Variants in PCDH15 observed in about 807,000 individuals in gnomAD.
PCDH15 encodes the protein protocadherin related 15.
A neutral mutation model predicts 178.5 loss-of-function variants in PCDH15; 129 were observed. The ratio of observed to expected loss-of-function variants is 0.72; its 90% CI spans 0.63 to 0.84. The LOEUF (loss-of-function observed/expected upper bound fraction) is 0.84, where lower values mean the gene tolerates loss of function less well. Among genes scored for constraint, PCDH15 ranks in the 40% least tolerant of loss-of-function variants. PCDH15 has a pLI of 0.00. For synonymous variants in PCDH15, 800 were observed against 732.0 expected, an observed-to-expected ratio of 1.09 and a Z score of -1.50; for missense variants, 2,230 against 2,099.9, an observed-to-expected ratio of 1.06 and a Z score of -1.21.
intron 1 of PCDH15, among the ~76,000 whole-genome samples, chr10:55,238,145 C>CTTTTTT (rs758000610): frequency 1.1e-4 from 14 of 124,458 alleles, no homozygotes; most frequent in Admixed American, 1.7e-4. Flanking sequence ...TTCATATTTT[C>CTTTTTT]TTTTTTTTTT....
chr10:55,465,774 AT>A, intron 2 of PCDH15, among the ~76,000 whole-genome samples: 1 of 152,252 alleles, frequency 6.6e-6, no homozygotes, highest in Admixed American at 6.5e-5. Context: ...TCTGACATTG[AT>A]TTTTTACCTA....
At chr10:55,276,026 T>C (rs1405796142) in intron 1 of PCDH15, among the ~76,000 whole-genome samples, 2 of 151,240 alleles carry the variant, frequency 1.3e-5, no homozygotes, top group African/African-American at 2.4e-5. Context: ...ATGATTCTTA[T>C]TTACTTAAGT....
intron 2 of PCDH15, among the ~76,000 whole-genome samples, chr10:54,562,005 T>TC (rs2088248167): frequency 2.4e-5 from 3 of 126,870 alleles, no homozygotes; most frequent in East Asian, 2.4e-4. Context: ...TTTTTTTTTT[T>TC]CCTGAGATTG....
At chr10:55,150,468 G>A (rs186921629) in intron 2 of PCDH15, among the ~76,000 whole-genome samples, 56 of 152,124 alleles carry the variant, frequency 3.7e-4, no homozygotes, top group African/African-American at 6.3e-4. Flanking sequence ...GTTCTCCCCC[G>A]CCAAATATTG....
At chr10:54,252,765 C>A (rs1467386260) in intron 8 of PCDH15, among the ~76,000 whole-genome samples, 1 of 150,066 alleles carries the variant, frequency 6.7e-6, no homozygotes, top group East Asian at 1.9e-4. Flanking sequence ...AATTATAGAA[C>A]TTTTCTCAGG....
chr10:55,364,247 T>G (rs1394724086), intron 2 of PCDH15, among the ~76,000 whole-genome samples: 1 of 152,192 alleles, frequency 6.6e-6, no homozygotes, highest in African/African-American at 2.4e-5. Flanking sequence ...ATGAAACCTC[T>G]TTCCTTTATA....
chr10:54,686,623 T>C (rs1240105021), intron 1 of PCDH15, among the ~76,000 whole-genome samples: 1 of 152,318 alleles, frequency 6.6e-6, no homozygotes, highest in Non-Finnish European at 1.5e-5. Context: ...CATTCTTTTT[T>C]ATATTCTTAT....
At chr10:55,256,533 G>A (rs974239724) in intron 1 of PCDH15, among the ~76,000 whole-genome samples, 2 of 152,192 alleles carry the variant, frequency 1.3e-5, no homozygotes, top group African/African-American at 4.8e-5. Flanking sequence ...CCCTAATACT[G>A]CACTTTTCCA....
intron 1 of PCDH15, among the ~76,000 whole-genome samples, chr10:54,766,477 C>T (rs1948522291): frequency 6.6e-6 from 1 of 151,740 alleles, no homozygotes; most frequent in Admixed American, 6.6e-5. Context: ...TTACTAATGT[C>T]AGCATCTTGT....
chr10:53,997,821 T>A (rs7905477), intron 20 of PCDH15, among the ~76,000 whole-genome samples: 3 of 152,162 alleles, frequency 2.0e-5, no homozygotes, highest in Non-Finnish European at 4.4e-5. Context: ...TTATTTTCTA[T>A]TGACAGGATG....
chr10:54,312,746 C>T (rs2133534044), intron 8 of PCDH15, among the ~76,000 whole-genome samples: 1 of 152,168 alleles, frequency 6.6e-6, no homozygotes, highest in East Asian at 1.9e-4. Flanking sequence ...TAAAGTGCCA[C>T]AGCTGATGCT....
intron 2 of PCDH15, among the ~76,000 whole-genome samples, chr10:55,581,361 T>C (rs1408033779): frequency 6.6e-6 from 1 of 151,940 alleles, no homozygotes; most frequent in Non-Finnish European, 1.5e-5. Context: ...TGGATATCTA[T>C]TTAGATTGAA....
chr10:54,340,044 G>A (rs76701598), intron 6 of PCDH15, among the ~76,000 whole-genome samples: 108 of 152,124 alleles, frequency 7.1e-4, no homozygotes, highest in African/African-American at 2.5e-3. Flanking sequence ...CCTGAATAAG[G>A]TCTTTCTTAC....
Position 55,582,619 on chromosome 10 carries a change from TATATATA to T in PCDH15, c.-156+44999_-156+45005del, listed in dbSNP as rs1286835830. Among the ~76,000 whole-genome samples, 170 of 102,764 alleles carry T rather than the reference TATATATA, an allele frequency of 1.7e-3. 2 individuals carry two copies. Among genetic ancestry groups the T allele is most frequent in the African/African-American group, 6.6e-3 (140 of 21,068 alleles). The allele number at this position is 102,764 out of a possible 152,430, so 67.4% of individuals were successfully genotyped here. A position where few individuals can be genotyped will look rare whatever the true frequency, so the allele number is the denominator to read the frequency against. On this transcript the variant is annotated intron_variant, in intron 2 of 5. Transcript: ENST00000613346. Reference sequence around the variant, plus strand: ...GTGTATATATATATATATATATATATATATATATATTTTTTTTTTTTTGCTATATTTG... The same window carrying T: ...GTGTATATATATATATATATATATATTATTTTTTTTTTTTTGCTATATTTG...
At chr10:54,498,131 G>A (rs1354070644) in intron 3 of PCDH15, among the ~76,000 whole-genome samples, 1 of 152,074 alleles carries the variant, frequency 6.6e-6, no homozygotes, top group East Asian at 1.9e-4. Context: ...TTACAGGCCA[G>A]AACAAACTGA....
rs1342201751 is a variant in PCDH15 at position 54,517,805 on chromosome 10, T to C, written c.157+10007A>G. ...ACCTATTCCAAAATTGACCACATAGTTGGAAGTAAAGCACTCCCCAGCAGA... is the reference window on the plus strand; with the variant it reads ...ACCTATTCCAAAATTGACCACATAGCTGGAAGTAAAGCACTCCCCAGCAGA... On this transcript the variant is annotated intron_variant, in intron 3 of 37. Transcript: ENST00000644397. 2.6e-5 allele frequency among the ~76,000 whole-genome samples: 4 copies of C among 152,306 alleles called. No individual in the cohort carries two copies. In the East Asian group the frequency reaches 7.7e-4, roughly 29 times the overall value.
At chr10:55,596,331 A>G (rs1412976661) in intron 2 of PCDH15, among the ~76,000 whole-genome samples, 1 of 152,110 alleles carries the variant, frequency 6.6e-6, no homozygotes, top group Non-Finnish European at 1.5e-5. Context: ...AGGATGAACC[A>G]ATATCCTGAG....
chr10:54,478,823 C>A (rs1352833523), intron 3 of PCDH15, among the ~76,000 whole-genome samples: 3 of 152,012 alleles, frequency 2.0e-5, no homozygotes, highest in African/African-American at 7.2e-5. Flanking sequence ...AAAATCTGTG[C>A]AAATGGCATG....
intron 1 of PCDH15, among the ~76,000 whole-genome samples, chr10:55,182,471 C>T (rs115966214): frequency 0.016 from 2,494 of 152,040 alleles, 35 homozygotes; most frequent in Middle Eastern, 0.082. Context: ...GGAATTAAGT[C>T]TTGGCTTTGT....
Sources: gnomAD v4.1 joint callset for allele counts (sites outside exome capture counted in the v4.1 genomes callset) on GRCh38, gnomAD v4.1.1 for gene constraint, MANE v1.5 for transcripts, NCBI Gene and HGNC (gene_info 2026-07-23, HGNC 2026-07-21) for gene names.